Variants in AGBL4 observed in about 807,000 individuals in gnomAD.
The protein encoded by AGBL4 is cytosolic carboxypeptidase 6.
Under a neutral mutation model 66.4 loss-of-function variants are expected in AGBL4, and 58 were observed. That is an observed-to-expected ratio of 0.87 (90% CI 0.71 to 1.09). AGBL4 has a LOEUF of 1.09. Among genes scored for constraint, AGBL4 ranks in the 50% least tolerant of loss-of-function variants. The probability of loss-of-function intolerance (pLI) is 0.00; values close to 1 mark genes in which losing one functional copy is unlikely to be tolerated. For missense variants in AGBL4, 579 were observed against 631.0 expected, an observed-to-expected ratio of 0.92 and a Z score of 0.88; for synonymous variants, 234 against 222.9, an observed-to-expected ratio of 1.05 and a Z score of -0.44.
intron 6 of AGBL4, among the ~76,000 whole-genome samples, chr1:48,832,027 C>A (rs767517748): frequency 3.9e-5 from 6 of 152,154 alleles, no homozygotes; most frequent in African/African-American, 7.2e-5. Flanking sequence ...CCTGAGGGTA[C>A]TTTTTAATTA....
At chr1:49,345,145 T>C (rs1645612764) in intron 3 of AGBL4, among the ~76,000 whole-genome samples, 1 of 152,184 alleles carries the variant, frequency 6.6e-6, no homozygotes, top group African/African-American at 2.4e-5. Flanking sequence ...TTGTCAAATA[T>C]AAAACACTGT....
intron 1 of AGBL4, among the ~76,000 whole-genome samples, chr1:50,002,393 G>A (rs1031617001): frequency 4.0e-4 from 45 of 113,102 alleles, no homozygotes; most frequent in African/African-American, 7.7e-4. Context: ...TTTTTGAGAC[G>A]GAGTCTCGCT....
chr1:48,807,616 T>C (rs1570719287), intron 6 of AGBL4, among the ~76,000 whole-genome samples: 1 of 152,212 alleles, frequency 6.6e-6, no homozygotes, highest in East Asian at 1.9e-4. Flanking sequence ...TCTTCTCCTC[T>C]GCTTGGCCCC....
chr1:49,277,262 A>G (rs1211300341), intron 3 of AGBL4, among the ~76,000 whole-genome samples: 1 of 152,132 alleles, frequency 6.6e-6, no homozygotes, highest in East Asian at 1.9e-4. Context: ...TCATACTAAC[A>G]TATATTTTTT....
chr1:48,768,069 CA>C (rs1387053034), intron 6 of AGBL4, among the ~76,000 whole-genome samples: 2 of 152,174 alleles, frequency 1.3e-5, no homozygotes, highest in African/African-American at 2.4e-5. Flanking sequence ...CATTTCAAAT[CA>C]AGTCTGTTTA....
At chr1:48,677,476 C>T (rs919552997) in intron 6 of AGBL4, among the ~76,000 whole-genome samples, 4 of 152,138 alleles carry the variant, frequency 2.6e-5, no homozygotes, top group Admixed American at 1.3e-4. Flanking sequence ...AGGGAAATCT[C>T]GGTGGTTGAG....
At chr1:49,614,710 G>C (rs1645219259) in intron 3 of AGBL4, among the ~76,000 whole-genome samples, 1 of 152,104 alleles carries the variant, frequency 6.6e-6, no homozygotes, top group African/African-American at 2.4e-5. Flanking sequence ...TCAAAATTCA[G>C]TTTAAGATTG....
intron 2 of AGBL4, chr1:49,846,491 T>C (rs1646146919): frequency 4.2e-6 from 4 of 942,732 alleles, no homozygotes; most frequent in Non-Finnish European, 6.2e-6. Flanking sequence ...ATGAGAAACA[T>C]ATGTCTTTAT....
intron 5 of AGBL4, among the ~76,000 whole-genome samples, chr1:48,904,041 G>A (rs1303500549): frequency 6.6e-6 from 1 of 152,182 alleles, no homozygotes; most frequent in Non-Finnish European, 1.5e-5. Context: ...CACTTTGGGA[G>A]GCTAACGTGG....
At chr1:48,700,396 G>T (rs1292205769) in intron 6 of AGBL4, among the ~76,000 whole-genome samples, 1 of 152,228 alleles carries the variant, frequency 6.6e-6, no homozygotes. Flanking sequence ...CACAGCATTT[G>T]CATGGAGCAT....
intron 5 of AGBL4, among the ~76,000 whole-genome samples, chr1:48,888,814 A>G (rs995401548): frequency 3.3e-5 from 5 of 152,234 alleles, no homozygotes; most frequent in Admixed American, 2.6e-4. Context: ...GTCTATCCCC[A>G]GAACCCAAAT....
intron 5 of AGBL4, among the ~76,000 whole-genome samples, chr1:48,931,572 T>A: frequency 6.6e-6 from 1 of 152,108 alleles, no homozygotes; most frequent in East Asian, 1.9e-4. Flanking sequence ...CAGGCTTGAG[T>A]GCAGTGGTGT....
chr1:48,981,559 A>G (rs1254763018), intron 5 of AGBL4, among the ~76,000 whole-genome samples: 2 of 152,206 alleles, frequency 1.3e-5, no homozygotes, highest in Non-Finnish European at 2.9e-5. Flanking sequence ...AAAATCAAAC[A>G]AACATAAAAC....
chr1:49,735,296 G>GTGTGTGTGT (rs1649779120), intron 2 of AGBL4, among the ~76,000 whole-genome samples: 12 of 127,390 alleles, frequency 9.4e-5, no homozygotes, highest in African/African-American at 3.9e-4. Context: ...GAGGTGTGTG[G>GTGTGTGTGT]GTGTGTGTGT....
intron 3 of AGBL4, among the ~76,000 whole-genome samples, chr1:49,306,440 T>A (rs908431906): frequency 2.6e-5 from 4 of 152,192 alleles, no homozygotes; most frequent in African/African-American, 9.6e-5. Context: ...GTCTCTGCTG[T>A]ATGTTTATTT....
intron 3 of AGBL4, among the ~76,000 whole-genome samples, chr1:49,595,302 G>A (rs577505892): frequency 1.3e-5 from 2 of 152,154 alleles, no homozygotes; most frequent in African/African-American, 4.8e-5. Flanking sequence ...TGTTAGCCAG[G>A]ATGGTCTTGA....
intron 4 of AGBL4, among the ~76,000 whole-genome samples, chr1:49,195,011 AT>A (rs200244621): frequency 6.6e-6 from 1 of 150,796 alleles, no homozygotes; most frequent in African/African-American, 2.4e-5. Context: ...TAATTGTTTA[AT>A]TTTTTTTTCT....
intron 1 of AGBL4, among the ~76,000 whole-genome samples, chr1:49,973,412 C>A (rs570283772): frequency 6.6e-6 from 1 of 152,166 alleles, no homozygotes; most frequent in Non-Finnish European, 1.5e-5. Context: ...AATAGCTACA[C>A]ATGGCTAGCA....
chr1:48,987,355 G>T (rs780023319), intron 5 of AGBL4, among the ~76,000 whole-genome samples: 52 of 151,914 alleles, frequency 3.4e-4, no homozygotes, highest in Non-Finnish European at 2.8e-4. Context: ...ACTAATAAAA[G>T]CTGAAGTGGC....
Sources: gnomAD v4.1 joint callset for allele counts (sites outside exome capture counted in the v4.1 genomes callset) on GRCh38, gnomAD v4.1.1 for gene constraint, MANE v1.5 for transcripts, NCBI Gene and HGNC (gene_info 2026-07-23, HGNC 2026-07-21) for gene names.